SLC19A1: variants seen among roughly 807,000 people sequenced by gnomAD.
SLC19A1 encodes solute carrier family 19 member 1.
A neutral mutation model predicts 35.3 loss-of-function variants in SLC19A1; 37 were observed. The observed-to-expected ratio is 1.05, with a 90% CI of 0.81 to 1.38. The LOEUF (loss-of-function observed/expected upper bound fraction) is 1.38. Among genes scored for constraint, SLC19A1 ranks in the 40% most tolerant of loss-of-function variants. SLC19A1 has a pLI of 0.00. For synonymous variants in SLC19A1, 460 were observed against 398.5 expected (o/e 1.15, Z -1.84); for missense variants, 831 against 826.9 (o/e 1.00, Z -0.06).
downstream of SLC19A1, among the ~76,000 whole-genome samples, chr21:45,510,932 CAAAAAA>C (rs10718078): frequency 7.0e-6 from 1 of 141,976 alleles, no homozygotes; most frequent in Non-Finnish European, 1.5e-5. Context: ...CCCCACCCCC[CAAAAAA>C]ACACACACCC....
rs529112671 is a variant in SLC19A1 at position 45,504,316 on chromosome 21, G to A, written c.498-5704C>T. On this transcript the variant is annotated intron_variant, in intron 3 of 4. Coordinates refer to the SLC19A1 transcript ENST00000417954. ...CCAGCAGCTCCCAGGCCTGGGCTCC[G>A]GAAGCTTCTGACTGCCCAGCCCTGG... 2,358 of 1,263,486 alleles carry A rather than the reference G, an allele frequency of 1.9e-3. 7 individuals carry two copies. Among genetic ancestry groups the A allele is most frequent in the Non-Finnish European group, 2.3e-3 (2,090 of 903,180 alleles). The allele number at this position is 1,263,486 out of a possible 1,614,324, so 78.3% of individuals were successfully genotyped here.
downstream of SLC19A1, among the ~76,000 whole-genome samples, chr21:45,508,448 T>C (rs958313042): frequency 6.2e-5 from 8 of 128,666 alleles, no homozygotes; most frequent in African/African-American, 2.4e-4. Flanking sequence ...GGTAAGTGGG[T>C]GAGTGGATGG....
Position 45,516,024 on chromosome 21 carries a change from C to T in SLC19A1, c.1410G>A (p.Gln470=), listed in dbSNP as rs780069596. 1 of 1,578,614 alleles carries T rather than the reference C, an allele frequency of 6.3e-7. No individual in the cohort carries two copies. Among genetic ancestry groups the T allele is most frequent in the South Asian group, 1.2e-5 (1 of 86,898 alleles). Reference sequence around the variant, plus strand: ...TCTCCTCCGCGGCACTCCTCAGGCCCTGGGCCGGGGGCTGCCGCGGGTGGT... The same window carrying T: ...TCTCCTCCGCGGCACTCCTCAGGCCTTGGGCCGGGGGCTGCCGCGGGTGGT... ...RGHHPRQPPA[Q]GLRSAAEEKA... Residue 470 remains glutamine, a synonymous_variant, in exon 6 of 6, where the codon CAG becomes CAA. Transcript: ENST00000311124.
intron 1 of SLC19A1, among the ~76,000 whole-genome samples, chr21:45,558,038 A>G (rs2078580566): frequency 6.6e-6 from 1 of 152,254 alleles, no homozygotes; most frequent in South Asian, 2.1e-4. Flanking sequence ...CATGCCATCC[A>G]AGGCAGTCTG....
Position 45,505,447 on chromosome 21 carries a change from G to C in SLC19A1, c.498-6835C>G. 7.0e-7 allele frequency: 1 copy of C among 1,436,324 alleles called. No individual in the cohort carries two copies. Among genetic ancestry groups the C allele is most frequent in the Non-Finnish European group, 9.6e-7 (1 of 1,037,356 alleles). 89.0% of individuals were successfully genotyped at this position (1,436,324 alleles called of 1,614,324 possible). A position where few individuals can be genotyped will look rare whatever the true frequency, so the allele number is the denominator to read the frequency against. On this transcript the variant is annotated intron_variant, in intron 3 of 4. Transcript: ENST00000417954. ...CTCCTCAGGGGTAAGTGTCTGGGCA[G>C]CCGGCTGGGCACCTGCGTCCCGTGC...
At chr21:45,512,111 C>T (rs946836760), downstream of SLC19A1, 7 of 1,511,158 alleles carry the variant, frequency 4.6e-6, no homozygotes, top group African/African-American at 8.3e-5. Context: ...CTGCCTCCAC[C>T]TTTCCTGCCC....
chr21:45,523,628 T>C lies in SLC19A1; in HGVS notation c.1293+2189A>G, dbSNP rs560027927. On this transcript the variant is annotated intron_variant, in intron 5 of 5. Transcript: ENST00000311124. ...AGTCCCTAAAGAGCCCTCAGGCATC[T>C]GCCCCTCCAGCTGCCAAGGGCTGAA... is the stretch of plus-strand genomic sequence containing the variant. Among the ~76,000 whole-genome samples the C allele has an allele frequency of 4.6e-5, 7 of 152,306 alleles. No individual in the cohort carries two copies. In the South Asian group the frequency reaches 1.4e-3, roughly 32 times the overall value.
chr21:45,556,325 C>T (rs1369026969), intron 1 of SLC19A1, among the ~76,000 whole-genome samples: 3 of 152,164 alleles, frequency 2.0e-5, no homozygotes, highest in Non-Finnish European at 2.9e-5. Flanking sequence ...CAAGCCCTGG[C>T]GGCAGGGCAG....
chr21:45,554,983 C>T (rs1229269912), intron 1 of SLC19A1, among the ~76,000 whole-genome samples: 1 of 151,386 alleles, frequency 6.6e-6, no homozygotes, highest in African/African-American at 2.4e-5. Flanking sequence ...GTTTCCAGAA[C>T]CCCGCGCCCA....
chr21:45,506,054 G>T, intron 3 of SLC19A1: 1 of 1,593,658 alleles, frequency 6.3e-7, no homozygotes. Context: ...CTCAGGCCCC[G>T]GACAGGGATG....
At position 45,514,545 on chromosome 21, in the gene SLC19A1, A is replaced by G. The variant is rs573815673; in HGVS notation, c.*1113T>C. On this transcript the variant is annotated 3_prime_UTR_variant, in exon 6 of 6. Coordinates refer to ENST00000311124, the MANE Select transcript of SLC19A1 (RefSeq NM_194255.4). ...GCCGCTGAGATGTGGCAGAGGCCCC[A>G]CAGGATAGGGCCGTTGACTAGGGTT... 11 of 156,624 alleles carry G rather than the reference A, an allele frequency of 7.0e-5. No individual in the cohort carries two copies. Among genetic ancestry groups the G allele is most frequent in the African/African-American group, 2.4e-4 (10 of 41,728 alleles). The allele number at this position is 156,624 out of a possible 1,614,324, so 9.7% of individuals were successfully genotyped here. A position where few individuals can be genotyped will look rare whatever the true frequency, so the allele number is the denominator to read the frequency against.
At position 45,515,121 on chromosome 21, in the gene SLC19A1, A is replaced by G. The variant is rs2037827100; in HGVS notation, c.*537T>C. On this transcript the variant is annotated 3_prime_UTR_variant, in exon 6 of 6. Transcript: ENST00000311124. ...CGCCAACCTGAGATGGCTTTTCCACAGAGACAGAGAAGCCACATGCAGTTC... is the reference window on the plus strand; with the variant it reads ...CGCCAACCTGAGATGGCTTTTCCACGGAGACAGAGAAGCCACATGCAGTTC... 6.5e-7 allele frequency: 1 copy of G among 1,540,774 alleles called. No individual in the cohort carries two copies. Among genetic ancestry groups the G allele is most frequent in the Non-Finnish European group, 8.7e-7 (1 of 1,144,226 alleles).
At chr21:45,562,508 T>G (rs1184001503) in intron 1 of SLC19A1, among the ~76,000 whole-genome samples, 1 of 152,222 alleles carries the variant, frequency 6.6e-6, no homozygotes, top group Non-Finnish European at 1.5e-5. Context: ...TTTCAGAGCC[T>G]GGTCTCCGGC....
rs762364238 is a variant in SLC19A1 at position 45,525,902 on chromosome 21, T to C, written c.1208A>G (p.Asn403Ser). 4 of 1,613,672 alleles carry C rather than the reference T, an allele frequency of 2.5e-6. No homozygotes were observed. Among genetic ancestry groups the C allele is most frequent in the South Asian group, 2.2e-5 (2 of 91,082 alleles). Residue 403 changes from asparagine to serine, a missense_variant, in exon 5 of 6, where the codon AAC (asparagine) becomes AGC (serine). Transcript: ENST00000311124. Reference protein sequence around the residue: ...KELCALVFGVNTFFATIVKTI... With the variant: ...KELCALVFGVSTFFATIVKTI... ...CTTGACGATGGTGGCAAAGAACGTGTTGACCCCGAAGACCAGGGCACAGAG... is the reference window on the plus strand; with the variant it reads ...CTTGACGATGGTGGCAAAGAACGTGCTGACCCCGAAGACCAGGGCACAGAG...
chr21:45,515,692 A>C lies in SLC19A1; in HGVS notation c.1742T>G (p.Leu581Arg). 2 of 1,613,766 alleles carry C rather than the reference A, an allele frequency of 1.2e-6. No individual in the cohort carries two copies. The highest frequency in any genetic ancestry group is 1.7e-6 in the Non-Finnish European group (2 of 1,180,004). Residue 581 changes from leucine to arginine, a missense_variant, in exon 6 of 6, where the codon CTT (leucine) becomes CGT (arginine). By Grantham distance (102) the Leu-to-Arg change is moderately radical. Coordinates refer to ENST00000311124, the MANE Select transcript of SLC19A1 (RefSeq NM_194255.4). ...PGVSKLGLQCLPSDGVQNVNQ is the reference protein window; with the variant it reads ...PGVSKLGLQCRPSDGVQNVNQ ...CACATTCTGAACACCGTCGCTTGGAAGACACTGCAAACCCAGCTTGCTGAC... is the reference window on the plus strand; with the variant it reads ...CACATTCTGAACACCGTCGCTTGGACGACACTGCAAACCCAGCTTGCTGAC...
chr21:45,515,465 C>T lies in SLC19A1; in HGVS notation c.*193G>A. 1 of 1,487,546 alleles carries T rather than the reference C, an allele frequency of 6.7e-7. No individual in the cohort carries two copies. The highest frequency in any genetic ancestry group is 1.4e-5 in the South Asian group (1 of 73,206). 92.1% of individuals were successfully genotyped at this position (1,487,546 alleles called of 1,614,324 possible). A position where few individuals can be genotyped will look rare whatever the true frequency, so the allele number is the denominator to read the frequency against. ...GGGCACAGTGCAGGGACAGCATGGCCAGGCAGCTGCCCTGAGTGTCGCCAG... is the reference window on the plus strand; with the variant it reads ...GGGCACAGTGCAGGGACAGCATGGCTAGGCAGCTGCCCTGAGTGTCGCCAG... On this transcript the variant is annotated 3_prime_UTR_variant, in exon 6 of 6. Transcript: ENST00000311124.
Position 45,518,716 on chromosome 21 carries a change from TA to T in SLC19A1, c.1294-2577del, listed in dbSNP as rs140352018. Among the ~76,000 whole-genome samples the T allele has an allele frequency of 2.8e-3, 428 of 150,920 alleles. 6 individuals are homozygous for T. Among genetic ancestry groups the T allele is most frequent in the African/African-American group, 9.5e-3 (392 of 41,164 alleles). On this transcript the variant is annotated intron_variant, in intron 5 of 5. Transcript: ENST00000311124. ...AAGGGGCACCACATTTCTCACAGGC[TA>T]AAAAAAAAGAACACTGTCTACCCAG...
downstream of SLC19A1, chr21:45,512,200 C>G (rs768263848): frequency 6.2e-7 from 1 of 1,612,338 alleles, no homozygotes; most frequent in East Asian, 2.2e-5. Flanking sequence ...CCCAGAAGAG[C>G]GTGTGGCATG....
chr21:45,531,476 C>G lies in SLC19A1; in HGVS notation c.862G>C (p.Val288Leu). The G allele has an allele frequency of 5.6e-6, 9 of 1,612,724 alleles. No individual in the cohort carries two copies. The highest frequency in any genetic ancestry group is 6.8e-6 in the Non-Finnish European group (8 of 1,179,748). Residue 288 changes from valine to leucine, a missense_variant, in exon 3 of 6, where the codon GTG (valine) becomes CTG (leucine). Transcript: ENST00000311124. ...SAGYYLVVYY[V>L]HILWNEVDPT... ...TCCACCTCGTTCCACAGGATGTGCA[C>G]GTAGTAGACCACCAGGTAGTAGCCG...
Sources: gnomAD v4.1 joint callset for allele counts (sites outside exome capture counted in the v4.1 genomes callset) on GRCh38, gnomAD v4.1.1 for gene constraint, MANE v1.5 for transcripts, NCBI Gene and HGNC (gene_info 2026-07-23, HGNC 2026-07-21) for gene names.